Variants in PDE9A observed in about 807,000 individuals in gnomAD.
The protein encoded by PDE9A is high affinity cGMP-specific 3',5'-cyclic phosphodiesterase 9A.
A neutral mutation model predicts 87.4 loss-of-function variants in PDE9A; 60 were observed. That is an observed-to-expected ratio of 0.69 (90% CI 0.56 to 0.85). The LOEUF is 0.85. Among genes scored for constraint, PDE9A ranks in the 40% least tolerant of loss-of-function variants. The pLI is 0.00. For synonymous variants in PDE9A, 272 were observed against 279.4 expected, an observed-to-expected ratio of 0.97 and a Z score of 0.27; for missense variants, 665 against 779.0, an observed-to-expected ratio of 0.85 and a Z score of 1.74.
At chr21:42,690,356 A>G (rs916210158) in intron 3 of PDE9A, among the ~76,000 whole-genome samples, 4 of 151,492 alleles carry the variant, frequency 2.6e-5, no homozygotes, top group African/African-American at 9.7e-5. Flanking sequence ...GGTGATGCGG[A>G]AACGGATCTA....
At chr21:42,728,877 T>G (rs2051421463) in intron 4 of PDE9A, among the ~76,000 whole-genome samples, 1 of 151,508 alleles carries the variant, frequency 6.6e-6, no homozygotes. Context: ...GGCGGGCACC[T>G]ATAATCCCAG....
At chr21:42,754,186 GA>G (rs11411040) in intron 10 of PDE9A, 122 bp downstream of exon 10, 391 of 498,984 alleles carry the variant, frequency 7.8e-4, no homozygotes, top group Middle Eastern at 2.2e-3. Context: ...TTTAAAGACT[GA>G]AAAAAAAAAA....
intron 3 of PDE9A, among the ~76,000 whole-genome samples, chr21:42,689,076 C>T (rs1375371425): frequency 6.6e-6 from 1 of 151,370 alleles, no homozygotes; most frequent in Non-Finnish European, 1.5e-5. Flanking sequence ...TCCCCCTCAG[C>T]GAGGTCCTCG....
chr21:42,698,996 A>G lies in PDE9A; in HGVS notation c.247A>G (p.Ile83Val). 1 of 1,612,618 alleles carries G rather than the reference A, an allele frequency of 6.2e-7. No homozygotes were observed. Among genetic ancestry groups the G allele is most frequent in the East Asian group, 2.2e-5 (1 of 44,886 alleles). ...RTPYKVRPVA[I>V]KQLSAGVEDK... Reference sequence around the variant, plus strand: ...TCCGTACAAAGTGAGACCTGTGGCCATCAAGCAACTCTCCGGTAAGGCCCT... The same window carrying G: ...TCCGTACAAAGTGAGACCTGTGGCCGTCAAGCAACTCTCCGGTAAGGCCCT... Residue 83 changes from isoleucine (I) to valine (V), a missense_variant, in exon 4 of 20, where the codon ATC (isoleucine) becomes GTC (valine). Physicochemically the swap from Ile to Val is conservative, Grantham distance 29. Coordinates refer to ENST00000291539, the MANE Select transcript of PDE9A (RefSeq NM_002606.3).
chr21:42,659,810 G>A lies in PDE9A; in HGVS notation c.69+5927G>A, dbSNP rs1398874208. On this transcript the variant is annotated intron_variant, in intron 1 of 19. Coordinates refer to ENST00000291539, the MANE Select transcript of PDE9A (RefSeq NM_002606.3). This position sits in a 1 kb window ranked among gnomAD's most constrained non-coding sequence, Gnocchi z 4.1. ...AGCCTCTCCGGAGCTCAGTGTGGGT[G>A]GAGGGGCTGTCTGGCCTCAGAAATG... Among the ~76,000 whole-genome samples, 1 of 152,242 alleles carries A rather than the reference G, an allele frequency of 6.6e-6. No homozygotes were observed. Among genetic ancestry groups the A allele is most frequent in the Non-Finnish European group, 1.5e-5 (1 of 68,044 alleles).
chr21:42,717,076 C>T (rs2050001077), intron 4 of PDE9A, among the ~76,000 whole-genome samples: 1 of 151,316 alleles, frequency 6.6e-6, no homozygotes, highest in South Asian at 2.1e-4. Flanking sequence ...CTTATTTAAA[C>T]AGCTAGTTGT....
At chr21:42,742,440 G>A (rs912020119) in intron 7 of PDE9A, among the ~76,000 whole-genome samples, 1 of 151,140 alleles carries the variant, frequency 6.6e-6, no homozygotes, top group Admixed American at 6.6e-5. Flanking sequence ...GAAATCATAG[G>A]GAGTTGAAGC....
At chr21:42,766,683 G>T (rs948640720) in intron 15 of PDE9A, among the ~76,000 whole-genome samples, 1 of 152,204 alleles carries the variant, frequency 6.6e-6, no homozygotes, top group Non-Finnish European at 1.5e-5. Flanking sequence ...GCCACCAGAA[G>T]CCCCTTCCCT....
At chr21:42,708,389 G>A (rs895957529) in intron 4 of PDE9A, among the ~76,000 whole-genome samples, 2 of 152,094 alleles carry the variant, frequency 1.3e-5, no homozygotes, top group African/African-American at 4.8e-5. Context: ...GATGACAGCT[G>A]AACATTGCTG....
intron 1 of PDE9A, among the ~76,000 whole-genome samples, chr21:42,661,713 C>T (rs114930848): frequency 1.4e-3 from 213 of 152,236 alleles, no homozygotes; most frequent in African/African-American, 4.7e-3. Flanking sequence ...TGCAAAGGGC[C>T]GGCCTGTTGT....
chr21:42,676,155 G>A (rs572574899), intron 1 of PDE9A, among the ~76,000 whole-genome samples: 8 of 152,246 alleles, frequency 5.3e-5, no homozygotes, highest in Admixed American at 1.3e-4. Flanking sequence ...CAGTGATGTC[G>A]GTGCCATGCT....
At position 42,702,316 on chromosome 21, in the gene PDE9A, C is replaced by T. The variant is rs901061303; in HGVS notation, c.262+3305C>T. ...CTTCATCCCTAGGAATTATGTTTCC[C>T]TCCTTTTTCGTATCTCCCATTTTTA... On this transcript the variant is annotated intron_variant, in intron 4 of 19. Transcript: ENST00000291539. The surrounding 1 kb of genome is among the most constrained non-coding windows in gnomAD (Gnocchi z 4.9). 6.6e-6 allele frequency among the ~76,000 whole-genome samples: 1 copy of T among 151,888 alleles called. No individual in the cohort carries two copies.
Position 42,696,367 on chromosome 21 carries a change from C to G in PDE9A, c.219-2601C>G, listed in dbSNP as rs1003173539. Among the ~76,000 whole-genome samples, 1 of 152,176 alleles carries G rather than the reference C, an allele frequency of 6.6e-6. No homozygotes were observed. On this transcript the variant is annotated intron_variant, in intron 3 of 19. Coordinates refer to ENST00000291539, the MANE Select transcript of PDE9A (RefSeq NM_002606.3). This position sits in a 1 kb window ranked among gnomAD's most constrained non-coding sequence, Gnocchi z 5.1. ...TCTCTGCGCCTGGTCACTACCCGCC[C>G]CCCACCTCCAGCATTAATTTTCTAG... is the stretch of plus-strand genomic sequence containing the variant.
intron 14 of PDE9A, among the ~76,000 whole-genome samples, chr21:42,762,484 G>A (rs1211496381): frequency 6.6e-6 from 1 of 152,208 alleles, no homozygotes; most frequent in Non-Finnish European, 1.5e-5. Flanking sequence ...ATTTAATTCA[G>A]CCTTCACTGG....
rs966218518 is a variant in PDE9A at position 42,759,649 on chromosome 21, CTGTG to C, written c.897+570_897+573del. Among the ~76,000 whole-genome samples the C allele has an allele frequency of 1.4e-5, 2 of 145,648 alleles. No homozygotes were observed. The highest frequency in any genetic ancestry group is 2.6e-5 in the African/African-American group (1 of 38,954). On this transcript the variant is annotated intron_variant, in intron 11 of 19. Coordinates refer to ENST00000291539, the MANE Select transcript of PDE9A (RefSeq NM_002606.3). This position sits in a 1 kb window ranked among gnomAD's most constrained non-coding sequence, Gnocchi z 7.2. ...TGGGAGTAGGAGTGTGGAGGTGTGTCTGTGTGTGTCAGTGTGGATGTGTGCATGT... is the reference window on the plus strand; with the variant it reads ...TGGGAGTAGGAGTGTGGAGGTGTGTCTGTGTCAGTGTGGATGTGTGCATGT...
chr21:42,686,063 C>T (rs1330465180), intron 1 of PDE9A, 129 bp from the exon 2 acceptor site: 5 of 655,042 alleles, frequency 7.6e-6, no homozygotes, highest in Middle Eastern at 2.5e-4. Context: ...CATTCCCGTG[C>T]GTAGAGTTAC....
Position 42,731,932 on chromosome 21 carries a change from GC to G in PDE9A, c.427del (p.Gln143SerfsTer10). On this transcript the variant is annotated frameshift_variant, in exon 5 of 20. Coordinates refer to ENST00000291539, the MANE Select transcript of PDE9A (RefSeq NM_002606.3). LOFTEE classifies it high-confidence loss of function. ...GAGCCCCAGGGCTGCTACCAGGAAG[GC>G]CAGCGCATCCCTCCAGGTAACGGGC... Reference protein sequence around the residue: ...PREPQGCYQEGQRIPPEREEL... With the variant: ...PREPQGCYQEXQRIPPEREEL... 1 of 1,613,880 alleles carries G rather than the reference GC, an allele frequency of 6.2e-7. No homozygotes were observed. The highest frequency in any genetic ancestry group is 1.3e-5 in the African/African-American group (1 of 75,072).
intron 1 of PDE9A, among the ~76,000 whole-genome samples, chr21:42,669,782 G>A (rs1333413313): frequency 6.6e-6 from 1 of 152,138 alleles, no homozygotes; most frequent in African/African-American, 2.4e-5. Flanking sequence ...CTCCTGGTGT[G>A]GTCTCCATGC....
At chr21:42,773,404 A>C (rs947545299) in intron 19 of PDE9A, among the ~76,000 whole-genome samples, 1 of 152,258 alleles carries the variant, frequency 6.6e-6, no homozygotes, top group Non-Finnish European at 1.5e-5. Flanking sequence ...AACTTTTCAC[A>C]AATCACGTGT....
Sources: allele counts gnomAD v4.1 joint callset (sites outside exome capture counted in the v4.1 genomes callset), GRCh38; gene constraint gnomAD v4.1.1; non-coding constraint Gnocchi (gnomAD v3.1); transcripts MANE v1.5; gene names NCBI Gene and HGNC (gene_info 2026-07-23, HGNC 2026-07-21).